SPG21: variants seen among roughly 807,000 people sequenced by gnomAD.
SPG21 encodes SPG21 abhydrolase domain containing, maspardin.
SPG21 carries 26 observed loss-of-function variants against 38.9 expected under a neutral mutation model. The observed-to-expected ratio is 0.67, with a 90% CI of 0.49 to 0.93. The LOEUF (loss-of-function observed/expected upper bound fraction) is 0.93. Ranked by LOEUF, SPG21 falls within the 40% of genes least tolerant of loss-of-function variation. The pLI is 0.00. For synonymous variants in SPG21, 136 were observed against 128.9 expected (o/e 1.05, Z -0.37); for missense variants, 333 against 376.5 (o/e 0.88, Z 0.96).
At chr15:64,981,103 T>C (rs751811274) in intron 2 of SPG21, 78 bp from the exon 3 acceptor site, 2 of 1,563,306 alleles carry the variant, frequency 1.3e-6, no homozygotes, top group Non-Finnish European at 1.8e-6. Flanking sequence ...GTCATTTCAC[T>C]GACAATTTTA....
chr15:64,982,522 T>C (rs1300787531), intron 2 of SPG21, among the ~76,000 whole-genome samples: 2 of 152,124 alleles, frequency 1.3e-5, no homozygotes, highest in African/African-American at 4.8e-5. Flanking sequence ...CCTCAAATGA[T>C]CCTCCTAGGT....
Position 64,981,242 on chromosome 15 carries a change from T to C in SPG21, c.64-217A>G. ...TCCACAGAACTACTTAGAACTACTT[T>C]ATAATCTTCCAAAGGGCTGCTGCTT... On this transcript the variant is annotated intron_variant, in intron 2 of 8. Coordinates refer to ENST00000204566, the MANE Select transcript of SPG21 (RefSeq NM_016630.7). 1.0e-5 allele frequency: 6 copies of C among 572,066 alleles called. No individual in the cohort carries two copies. The East Asian group carries it at 1.5e-4, about 14-fold the overall frequency. 35.4% of individuals were successfully genotyped at this position (572,066 alleles called of 1,614,324 possible).
At chr15:64,968,119 A>G (rs2085579953) in intron 7 of SPG21, among the ~76,000 whole-genome samples, 1 of 152,150 alleles carries the variant, frequency 6.6e-6, no homozygotes. Flanking sequence ...AGGCCCAGGC[A>G]GGCAGACAGC....
chr15:64,981,430 T>C (rs1251062198), intron 2 of SPG21: 11 of 227,270 alleles, frequency 4.8e-5, no homozygotes, highest in South Asian at 4.6e-4. Flanking sequence ...GCTGGGATTA[T>C]AGGCACACAC....
At position 64,963,027 on chromosome 15, in the gene SPG21, T is replaced by G. The variant is rs57438358; in HGVS notation, c.*593A>C. ...ACAATAATCACAAAAGCGACTCAGT[T>G]AAATTGAATTTTTATTCCAAATGAC... On this transcript the variant is annotated 3_prime_UTR_variant, in exon 9 of 9. Coordinates refer to ENST00000204566, the MANE Select transcript of SPG21 (RefSeq NM_016630.7). 0.92 allele frequency: 139,660 copies of G among 152,586 alleles called. 64,810 individuals carry two copies. Among genetic ancestry groups the G allele is most frequent in the East Asian group, 1 (5,171 of 5,182 alleles). The allele number at this position is 152,586 out of a possible 1,614,324, so 9.5% of individuals were successfully genotyped here. A position where few individuals can be genotyped will look rare whatever the true frequency, so the allele number is the denominator to read the frequency against.
intron 5 of SPG21, among the ~76,000 whole-genome samples, chr15:64,970,605 A>G (rs1356364078): frequency 6.6e-6 from 1 of 152,216 alleles, no homozygotes; most frequent in African/African-American, 2.4e-5. Flanking sequence ...TTATGTTTTT[A>G]TCGATTGATA....
At chr15:64,966,288 T>C (rs985350549) in intron 7 of SPG21, among the ~76,000 whole-genome samples, 17 of 152,194 alleles carry the variant, frequency 1.1e-4, no homozygotes, top group Admixed American at 6.5e-5. Context: ...CATACACATT[T>C]ACGTTTTTAC....
chr15:64,983,403 G>C (rs1251232077), intron 2 of SPG21, 104 bp downstream of exon 2: 1 of 805,954 alleles, frequency 1.2e-6, no homozygotes, highest in East Asian at 2.7e-5. Context: ...ATGATACTCG[G>C]CAGTAACCTT....
At chr15:64,986,562 G>A (rs760181488) in intron 1 of SPG21, among the ~76,000 whole-genome samples, 11 of 150,918 alleles carry the variant, frequency 7.3e-5, no homozygotes, top group African/African-American at 7.3e-5. Context: ...GGCAGTGGCC[G>A]CCTGTAATCC....
Position 64,965,353 on chromosome 15 carries a change from C to T in SPG21, c.777G>A (p.Leu259=). The part of the protein sequence containing the change: ...HLKTGGNFPY[L]CRSAEVNLYV... ...AAAGATTGACCTCTGCACTTCTGCACAGGTATGGGAAATTGCCTCCTGTTT... is the reference window on the plus strand; with the variant it reads ...AAAGATTGACCTCTGCACTTCTGCATAGGTATGGGAAATTGCCTCCTGTTT... The change falls in exon 8 of 9, where the codon CTG becomes CTA. Residue 259 remains leucine (L), a synonymous_variant. Coordinates refer to ENST00000204566, the MANE Select transcript of SPG21 (RefSeq NM_016630.7). The T allele has an allele frequency of 6.2e-7, 1 of 1,614,172 alleles. No homozygotes were observed. Among genetic ancestry groups the T allele is most frequent in the Non-Finnish European group, 8.5e-7 (1 of 1,180,042 alleles).
chr15:64,988,144 C>T (rs988660842), intron 1 of SPG21, among the ~76,000 whole-genome samples: 4 of 152,108 alleles, frequency 2.6e-5, no homozygotes, highest in Non-Finnish European at 4.4e-5. Context: ...ATTGCTTGAA[C>T]CTGGGTGGCG....
chr15:64,989,175 C>G (rs1429469201), intron 1 of SPG21: 1 of 152,108 alleles, frequency 6.6e-6, no homozygotes, highest in East Asian at 1.9e-4. Flanking sequence ...AAACCTTACA[C>G]CTGGCCCACA....
intron 7 of SPG21, among the ~76,000 whole-genome samples, chr15:64,968,653 A>G (rs1330910415): frequency 7.2e-6 from 1 of 139,490 alleles, no homozygotes; most frequent in Non-Finnish European, 1.7e-5. Context: ...ATGCCACTGA[A>G]CTATGCACTT....
At chr15:64,980,794 T>C in intron 3 of SPG21, 70 bp downstream of exon 3, 1 of 1,525,876 alleles carries the variant, frequency 6.6e-7, no homozygotes, top group Non-Finnish European at 9.0e-7. Context: ...CTATAGCTGA[T>C]GAGAGACAGA....
chr15:64,971,550 A>T (rs1289561065), intron 5 of SPG21, among the ~76,000 whole-genome samples: 1 of 149,166 alleles, frequency 6.7e-6, no homozygotes, highest in East Asian at 2.0e-4. Flanking sequence ...AAAAAAAAAA[A>T]TTTACTGAGC....
rs776657455 is a variant in SPG21, at chr15:64,963,696, A to G, written c.851T>C (p.Ile284Thr). ...CTCGGCACTGACCATTGATGGGTCA[A>G]TGGCCGCGTATTTGGTTCCATGGAA... The part of the protein sequence containing the change: ...LQFHGTKYAA[I>T]DPSMVSAEEL... The change falls in exon 9 of 9, where the codon ATT becomes ACT. Residue 284 changes from isoleucine (I) to threonine (T), a missense_variant. Ile to Thr is a moderately conservative substitution (Grantham distance 89, BLOSUM62 -1). Transcript: ENST00000204566. 6.2e-7 allele frequency: 1 copy of G among 1,614,184 alleles called. No individual in the cohort carries two copies. Among genetic ancestry groups the G allele is most frequent in the Admixed American group, 1.7e-5 (1 of 60,026 alleles).
intron 1 of SPG21, among the ~76,000 whole-genome samples, chr15:64,986,507 G>A (rs1214554468): frequency 4.6e-5 from 7 of 151,988 alleles, no homozygotes; most frequent in African/African-American, 1.2e-4. Context: ...CCAACATGGC[G>A]AAACCCCATC....
intron 5 of SPG21, among the ~76,000 whole-genome samples, chr15:64,973,457 TG>T (rs2085711609): frequency 6.6e-6 from 1 of 151,794 alleles, no homozygotes; most frequent in South Asian, 2.2e-4. Flanking sequence ...GTTTTTGGTT[TG>T]TTTTTTTTTT....
intron 5 of SPG21, among the ~76,000 whole-genome samples, chr15:64,970,685 C>T (rs1176330605): frequency 1.3e-5 from 2 of 152,200 alleles, no homozygotes; most frequent in East Asian, 1.9e-4. Context: ...CTATTAGATT[C>T]AACTTGGCTA....
Sources: gnomAD v4.1 joint callset for allele counts (sites outside exome capture counted in the v4.1 genomes callset) on GRCh38, gnomAD v4.1.1 for gene constraint, MANE v1.5 for transcripts, NCBI Gene and HGNC (gene_info 2026-07-23, HGNC 2026-07-21) for gene names.